Variants in SCML4 observed in about 807,000 individuals in gnomAD.
The protein encoded by SCML4 is Scm polycomb group protein like 4, also known as sex comb on midleg-like protein 4.
In SCML4, 34 loss-of-function variants were observed where a neutral mutation model predicts 41.1. The observed-to-expected ratio is 0.83, with a 90% CI of 0.63 to 1.10. The LOEUF (loss-of-function observed/expected upper bound fraction) is 1.10. Among genes scored for constraint, SCML4 ranks in the 50% least tolerant of loss-of-function variants. SCML4 has a pLI of 0.00. For missense variants in SCML4, 522 were observed against 534.1 expected (o/e 0.98, Z 0.22); for synonymous variants, 214 against 220.9 (o/e 0.97, Z 0.28).
chr6:107,821,302 T>C (rs1281755893), intron 1 of SCML4, among the ~76,000 whole-genome samples: 1 of 152,174 alleles, frequency 6.6e-6, no homozygotes, highest in Admixed American at 6.5e-5. Context: ...TCCTCACCTG[T>C]CTGCTTTTGA....
intron 1 of SCML4, among the ~76,000 whole-genome samples, chr6:107,819,312 G>C (rs921324977): frequency 1.5e-4 from 13 of 85,198 alleles, no homozygotes; most frequent in African/African-American, 4.1e-4. Context: ...TTTCTGTTTT[G>C]AAACAATGAG....
chr6:107,704,301 A>G lies in SCML4; in HGVS notation c.*899T>C, dbSNP rs1045191765. ...GGCATGCCAACACTTCAACACCTCAATAAGGACTCTGGAAGGGAAGGAACT... is the reference window on the plus strand; with the variant it reads ...GGCATGCCAACACTTCAACACCTCAGTAAGGACTCTGGAAGGGAAGGAACT... On this transcript the variant is annotated 3_prime_UTR_variant, in exon 8 of 8. Transcript: ENST00000369020. 6.6e-6 allele frequency: 1 copy of G among 152,218 alleles called. No homozygotes were observed. The highest frequency in any genetic ancestry group is 2.4e-5 in the African/African-American group (1 of 41,458). 9.4% of individuals were successfully genotyped at this position (152,218 alleles called of 1,614,324 possible). A position where few individuals can be genotyped will look rare whatever the true frequency, so the allele number is the denominator to read the frequency against.
chr6:107,709,988 G>C (rs1242077088), intron 6 of SCML4, among the ~76,000 whole-genome samples: 1 of 151,954 alleles, frequency 6.6e-6, no homozygotes, highest in Non-Finnish European at 1.5e-5. Context: ...GGGTTTACAG[G>C]TATGAGCCAC....
At position 107,702,219 on chromosome 6, in the gene SCML4, T is replaced by G. The variant is rs1196744874; in HGVS notation, c.*2981A>C. Among the ~76,000 whole-genome samples the G allele has an allele frequency of 6.6e-6, 1 of 152,228 alleles. No homozygotes were observed. The highest frequency in any genetic ancestry group is 1.5e-5 in the Non-Finnish European group (1 of 68,040). On this transcript the variant is annotated 3_prime_UTR_variant, in exon 8 of 8. Transcript: ENST00000369020. Reference sequence around the variant, plus strand: ...GATTTTTAAAAAGTCAAACCTTAAATATCATGGCTTCAGCAATCTGTCCTG... The same window carrying G: ...GATTTTTAAAAAGTCAAACCTTAAAGATCATGGCTTCAGCAATCTGTCCTG...
the SCML4 span, among the ~76,000 whole-genome samples, chr6:107,832,859 G>A: frequency 6.6e-6 from 1 of 152,164 alleles, no homozygotes. Flanking sequence ...CAATCTTCAG[G>A]AAGAGCCACA....
rs1267683163 is a variant in SCML4, at chr6:107,702,604, C to G, written c.*2596G>C. On this transcript the variant is annotated 3_prime_UTR_variant, in exon 8 of 8. Coordinates refer to ENST00000369020, the MANE Select transcript of SCML4 (RefSeq NM_198081.5). ...TTTTCTGGATCTCATTGTTTTCACC[C>G]TGGCAGTTCTGAGTACATAACCTGC... 6.6e-6 allele frequency among the ~76,000 whole-genome samples: 1 copy of G among 152,208 alleles called. No individual in the cohort carries two copies.
chr6:107,797,796 T>C lies in SCML4; in HGVS notation c.-59-25410A>G, dbSNP rs573858032. 3.9e-5 allele frequency among the ~76,000 whole-genome samples: 6 copies of C among 151,942 alleles called. No homozygotes were observed. The South Asian group carries it at 1.2e-3, about 31-fold the overall frequency. On this transcript the variant is annotated intron_variant, in intron 1 of 7. Coordinates refer to ENST00000369020, the MANE Select transcript of SCML4 (RefSeq NM_198081.5). ...TCTTTATCAAATTGAGAAACTTTCT[T>C]CTATTCTTAGTATCCTAAGAGGTTT...
chr6:107,710,725 G>A (rs542907894), intron 6 of SCML4, among the ~76,000 whole-genome samples: 2 of 63,394 alleles, frequency 3.2e-5, no homozygotes, highest in South Asian at 4.5e-4. Flanking sequence ...GCATTGAGCC[G>A]AGATCATGCC....
rs1047154073 is a variant in SCML4 at position 107,731,800 on chromosome 6, T to G, written c.683-10807A>C. ...AGTGCAGTTCGCAGATTTGTAGAGC[T>G]GTGGAGCAGCTACCCCTCTTTGCTT... is the stretch of plus-strand genomic sequence containing the variant. On this transcript the variant is annotated intron_variant, in intron 5 of 7. Transcript: ENST00000369020. Among the ~76,000 whole-genome samples, 9 of 152,200 alleles carry G rather than the reference T, an allele frequency of 5.9e-5. No homozygotes were observed. In the South Asian group the frequency reaches 1.9e-3, roughly 31 times the overall value.
chr6:107,793,367 A>G (rs1411546718), intron 1 of SCML4, among the ~76,000 whole-genome samples: 1 of 152,228 alleles, frequency 6.6e-6, no homozygotes, highest in Non-Finnish European at 1.5e-5. Flanking sequence ...TATTTATTCT[A>G]CAGACAGGAA....
intron 2 of SCML4, among the ~76,000 whole-genome samples, chr6:107,767,438 C>T (rs1428842155): frequency 1.3e-5 from 2 of 152,170 alleles, no homozygotes; most frequent in Non-Finnish European, 2.9e-5. Flanking sequence ...CAAGTTTCTA[C>T]TTAAGTTCTC....
chr6:107,804,639 AG>A (rs1783585545), intron 1 of SCML4, among the ~76,000 whole-genome samples: 1 of 134,034 alleles, frequency 7.5e-6, no homozygotes, highest in African/African-American at 2.7e-5. Context: ...TCCTAGCAGC[AG>A]AGAATATTAT....
chr6:107,735,088 C>A (rs1414745948), intron 5 of SCML4, among the ~76,000 whole-genome samples: 1 of 152,200 alleles, frequency 6.6e-6, no homozygotes, highest in Non-Finnish European at 1.5e-5. Flanking sequence ...GTTGGCCAGG[C>A]TGGTTTCAAA....
chr6:107,834,294 G>A, the SCML4 span, among the ~76,000 whole-genome samples: 2 of 152,120 alleles, frequency 1.3e-5, no homozygotes, highest in Admixed American at 6.5e-5. Context: ...TAACCCTGAC[G>A]GAGTGAAGGT....
rs138454539 is a variant in SCML4, at chr6:107,780,887, C to T, written c.-59-8501G>A. ...AAGAGGACAAAGAAGCAACTTGTAA[C>T]AATTTATGAATCAATAATAATAGTA... On this transcript the variant is annotated intron_variant, in intron 1 of 7. Transcript: ENST00000369020. 4.8e-3 allele frequency among the ~76,000 whole-genome samples: 722 copies of T among 151,808 alleles called. 6 individuals are homozygous for T. The highest frequency in any genetic ancestry group is 0.017 in the African/African-American group (690 of 41,392).
chr6:107,726,994 A>G (rs1486758141), intron 5 of SCML4, among the ~76,000 whole-genome samples: 1 of 152,224 alleles, frequency 6.6e-6, no homozygotes, highest in Non-Finnish European at 1.5e-5. Context: ...TAAAAAGTGG[A>G]AGAAACTCAA....
intron 5 of SCML4, among the ~76,000 whole-genome samples, chr6:107,726,534 A>T: frequency 4.8e-5 from 1 of 21,044 alleles, no homozygotes. Flanking sequence ...CTCCATCTCA[A>T]AAAAAAAAAA....
intron 5 of SCML4, among the ~76,000 whole-genome samples, chr6:107,737,922 AT>A (rs199550256): frequency 6.6e-6 from 1 of 152,078 alleles, no homozygotes; most frequent in Non-Finnish European, 1.5e-5. Context: ...AGCTTAATTA[AT>A]TTTTTTTAAA....
chr6:107,771,594 T>C (rs967299195), intron 2 of SCML4, among the ~76,000 whole-genome samples: 2 of 152,222 alleles, frequency 1.3e-5, no homozygotes, highest in Non-Finnish European at 2.9e-5. Flanking sequence ...TTTTGCCTGA[T>C]ATGCCTCCTT....
Sources: allele counts gnomAD v4.1 joint callset (sites outside exome capture counted in the v4.1 genomes callset), GRCh38; gene constraint gnomAD v4.1.1; transcripts MANE v1.5; gene names NCBI Gene and HGNC (gene_info 2026-07-23, HGNC 2026-07-21).